Variants in AGMO observed in about 807,000 individuals in gnomAD.
The protein encoded by AGMO is alkylglycerol monooxygenase.
AGMO carries 75 observed loss-of-function variants against 60.2 expected under a neutral mutation model. The ratio of observed to expected loss-of-function variants is 1.25; its 90% CI spans 1.03 to 1.51. The LOEUF (loss-of-function observed/expected upper bound fraction) is 1.51. Among genes scored for constraint, AGMO ranks in the 40% most tolerant of loss-of-function variants. AGMO has a pLI of 0.00. For synonymous variants in AGMO, 261 were observed against 177.1 expected (o/e 1.47, Z -3.76); for missense variants, 763 against 525.5 (o/e 1.45, Z -4.42).
At chr7:15,341,708 A>T (rs1781853467) in intron 12 of AGMO, among the ~76,000 whole-genome samples, 1 of 152,160 alleles carries the variant, frequency 6.6e-6, no homozygotes, top group Admixed American at 6.6e-5. Context: ...CATACCTGAG[A>T]GAGTGGGTAA....
At chr7:15,459,627 GGT>G (rs1306242021) in intron 3 of AGMO, among the ~76,000 whole-genome samples, 1 of 150,222 alleles carries the variant, frequency 6.7e-6, no homozygotes, top group Non-Finnish European at 1.5e-5. Context: ...GTGTGTGTAT[GGT>G]TGTCAGTCAT....
rs552235722 is a variant in AGMO at position 15,444,888 on chromosome 7, C to A, written c.410-13780G>T. ...CTATCTCATTGCCTTCCTGCTTTTCCCCTGTTTTACTTTCTTGCTTAATGG... is the reference window on the plus strand; with the variant it reads ...CTATCTCATTGCCTTCCTGCTTTTCACCTGTTTTACTTTCTTGCTTAATGG... On this transcript the variant is annotated intron_variant, in intron 3 of 12. Transcript: ENST00000342526. Among the ~76,000 whole-genome samples, 3 of 152,176 alleles carry A rather than the reference C, an allele frequency of 2.0e-5. No homozygotes were observed. In the South Asian group the frequency reaches 6.2e-4, roughly 32 times the overall value.
intron 5 of AGMO, among the ~76,000 whole-genome samples, chr7:15,398,155 C>T (rs1276287326): frequency 1.3e-5 from 2 of 152,158 alleles, no homozygotes; most frequent in African/African-American, 2.4e-5. Context: ...ACTACACTGA[C>T]CAGCTTCTGC....
chr7:15,169,395 C>A, the AGMO span, among the ~76,000 whole-genome samples: 1 of 152,102 alleles, frequency 6.6e-6, no homozygotes, highest in African/African-American at 2.4e-5. Context: ...GATATTGAAT[C>A]ATAGGTAGTT....
At chr7:15,214,455 A>G in intron 12 of AGMO, among the ~76,000 whole-genome samples, 1 of 152,092 alleles carries the variant, frequency 6.6e-6, no homozygotes, top group South Asian at 2.1e-4. Context: ...CCCCTAAAGT[A>G]TAATACACAT....
chr7:15,262,766 G>A (rs1236724924), intron 12 of AGMO, among the ~76,000 whole-genome samples: 1 of 151,952 alleles, frequency 6.6e-6, no homozygotes, highest in African/African-American at 2.4e-5. Context: ...AGAGAACCCA[G>A]AAATAAAGCC....
intron 3 of AGMO, among the ~76,000 whole-genome samples, chr7:15,539,451 T>C (rs1280831872): frequency 6.9e-6 from 1 of 143,902 alleles, no homozygotes; most frequent in African/African-American, 2.5e-5. Context: ...TCTATCCATG[T>C]TGCTGCAAAG....
At chr7:15,442,342 G>A (rs776062239) in intron 3 of AGMO, among the ~76,000 whole-genome samples, 1 of 152,056 alleles carries the variant, frequency 6.6e-6, no homozygotes, top group African/African-American at 2.4e-5. Context: ...ATGTATGTCT[G>A]GTTTTAAAGG....
At chr7:15,284,571 A>T (rs111343033) in intron 12 of AGMO, among the ~76,000 whole-genome samples, 1 of 152,150 alleles carries the variant, frequency 6.6e-6, no homozygotes, top group African/African-American at 2.4e-5. Context: ...AGACTGAATC[A>T]GTAATTTTAA....
intron 3 of AGMO, among the ~76,000 whole-genome samples, chr7:15,440,530 A>G (rs1307795828): frequency 6.6e-6 from 1 of 152,204 alleles, no homozygotes; most frequent in Non-Finnish European, 1.5e-5. Flanking sequence ...TTGCTAAGGT[A>G]GAAAGAACAG....
At chr7:15,356,302 G>A (rs762847604) in intron 12 of AGMO, among the ~76,000 whole-genome samples, 9 of 152,072 alleles carry the variant, frequency 5.9e-5, no homozygotes, top group Non-Finnish European at 1.2e-4. Context: ...ACAAACACTA[G>A]AGAATAGACA....
At chr7:15,189,660 T>A in the AGMO span, among the ~76,000 whole-genome samples, 1 of 152,064 alleles carries the variant, frequency 6.6e-6, no homozygotes, top group Non-Finnish European at 1.5e-5. Flanking sequence ...CAGGATCTCA[T>A]CAAGACACAA....
chr7:15,203,307 C>T (rs1472209000), intron 12 of AGMO, among the ~76,000 whole-genome samples: 1 of 152,012 alleles, frequency 6.6e-6, no homozygotes, highest in African/African-American at 2.4e-5. Flanking sequence ...TCTAGTTATG[C>T]CTTGTTATTA....
chr7:15,329,256 C>T (rs963537076), intron 12 of AGMO, among the ~76,000 whole-genome samples: 9 of 152,120 alleles, frequency 5.9e-5, no homozygotes, highest in African/African-American at 7.2e-5. Context: ...ACTAAATACC[C>T]AAGACAATTC....
In AGMO at chr7:15,398,627, C is replaced by A. The variant is rs1459382686; in HGVS notation, c.610-4448G>T. Among the ~76,000 whole-genome samples, 3 of 152,284 alleles carry A rather than the reference C, an allele frequency of 2.0e-5. No individual in the cohort carries two copies. The East Asian group carries it at 5.8e-4, about 29-fold the overall frequency. ...ATTCAGGCATTTGGCAATTCGACGACGTCTAGCTTTGAATCACTTCCTGAA... is the reference window on the plus strand; with the variant it reads ...ATTCAGGCATTTGGCAATTCGACGAAGTCTAGCTTTGAATCACTTCCTGAA... On this transcript the variant is annotated intron_variant, in intron 5 of 12. Coordinates refer to ENST00000342526, the MANE Select transcript of AGMO (RefSeq NM_001004320.2).
the AGMO span, among the ~76,000 whole-genome samples, chr7:15,159,459 C>G: frequency 1.3e-5 from 2 of 152,088 alleles, no homozygotes; most frequent in African/African-American, 4.8e-5. Context: ...GGCATGAGTC[C>G]AGGACTGGAA....
At chr7:15,285,052 C>T (rs1784064650) in intron 12 of AGMO, among the ~76,000 whole-genome samples, 1 of 151,714 alleles carries the variant, frequency 6.6e-6, no homozygotes, top group African/African-American at 2.4e-5. Context: ...AAATCCTCAA[C>T]AAACTAGCCA....
rs71004371 is a variant in AGMO, at chr7:15,232,801, G to GCACACACACACACACACACA, written c.1264-31462_1264-31443dup. ...TTAAACATGGAAACCACACACACAC[G>GCACACACACACACACACACA]CACACACACACACACACACACACAC... On this transcript the variant is annotated intron_variant, in intron 12 of 12. Coordinates refer to ENST00000342526, the MANE Select transcript of AGMO (RefSeq NM_001004320.2). Among the ~76,000 whole-genome samples, 20 of 147,124 alleles carry GCACACACACACACACACACA rather than the reference G, an allele frequency of 1.4e-4. No homozygotes were observed. The East Asian group carries it at 1.9e-3, about 14-fold the overall frequency.
At chr7:15,355,478 C>A (rs1423046233) in intron 12 of AGMO, among the ~76,000 whole-genome samples, 2 of 120,966 alleles carry the variant, frequency 1.7e-5, no homozygotes, top group African/African-American at 6.9e-5. Context: ...ACACTCCAGC[C>A]TGGACAACTG....
Sources: gnomAD v4.1 joint callset for allele counts (sites outside exome capture counted in the v4.1 genomes callset) on GRCh38, gnomAD v4.1.1 for gene constraint, MANE v1.5 for transcripts, NCBI Gene and HGNC (gene_info 2026-07-23, HGNC 2026-07-21) for gene names.